Variants in CABIN1 observed in about 807,000 individuals in gnomAD.
CABIN1 encodes calcineurin-binding protein cabin-1.
CABIN1 carries 133 observed loss-of-function variants against 227.7 expected under a neutral mutation model. The ratio of observed to expected loss-of-function variants is 0.58; its 90% CI spans 0.51 to 0.67. CABIN1 has a LOEUF of 0.67. Among genes scored for constraint, CABIN1 ranks in the 30% least tolerant of loss-of-function variants. The pLI, the probability that CABIN1 is intolerant of heterozygous loss-of-function variation, is 0.00. For synonymous variants in CABIN1, 1,086 were observed against 1,155.1 expected, an observed-to-expected ratio of 0.94 and a Z score of 1.21; for missense variants, 2,408 against 2,852.5, an observed-to-expected ratio of 0.84 and a Z score of 3.55.
chr22:24,091,529 A>C (rs530666236), intron 23 of CABIN1, 54 bp from the exon 24 acceptor site: 3 of 1,612,498 alleles, frequency 1.9e-6, no homozygotes, highest in Non-Finnish European at 2.5e-6. Context: ...AAAAAGTCTG[A>C]TCCCTGGGCA....
intron 27 of CABIN1, among the ~76,000 whole-genome samples, chr22:24,117,850 C>G (rs966874678): frequency 5.9e-5 from 9 of 152,236 alleles, no homozygotes; most frequent in African/African-American, 9.6e-5. Context: ...CAGGGCTGAT[C>G]CCAGCATTAT....
intron 27 of CABIN1, among the ~76,000 whole-genome samples, chr22:24,115,828 C>G (rs370774166): frequency 6.6e-6 from 1 of 152,230 alleles, no homozygotes; most frequent in Non-Finnish European, 1.5e-5. Flanking sequence ...ATGGAGAGTC[C>G]TACCACCAGC....
At chr22:24,059,768 C>G (rs549347091) in intron 11 of CABIN1, among the ~76,000 whole-genome samples, 156 bp from the exon 12 acceptor site, 1 of 152,264 alleles carries the variant, frequency 6.6e-6, no homozygotes, top group South Asian at 2.1e-4. Flanking sequence ...GGCATTGAAC[C>G]CAGTAGCCTG....
At chr22:24,092,949 C>T (rs2041647434) in intron 24 of CABIN1, among the ~76,000 whole-genome samples, 1 of 152,098 alleles carries the variant, frequency 6.6e-6, no homozygotes, top group Non-Finnish European at 1.5e-5. Context: ...CCCTGCCTGC[C>T]CTAGTGCCCT....
chr22:24,053,937 TG>T (rs1405991202), intron 8 of CABIN1, among the ~76,000 whole-genome samples: 2 of 152,046 alleles, frequency 1.3e-5, no homozygotes, highest in African/African-American at 4.8e-5. Context: ...GTGGTGGAGC[TG>T]GGGTCTGACT....
At chr22:24,098,413 G>T in intron 26 of CABIN1, 1 of 915,158 alleles carries the variant, frequency 1.1e-6, no homozygotes, top group South Asian at 1.6e-5. Flanking sequence ...GCCCACCTGG[G>T]AGCCAGGGGA....
intron 19 of CABIN1, among the ~76,000 whole-genome samples, chr22:24,079,951 A>G (rs1422861976): frequency 6.6e-6 from 1 of 151,606 alleles, no homozygotes; most frequent in Non-Finnish European, 1.5e-5. Flanking sequence ...TAAAATTTGA[A>G]TGTCAAATTT....
intron 27 of CABIN1, among the ~76,000 whole-genome samples, chr22:24,114,113 C>G (rs1232461560): frequency 1.3e-5 from 2 of 152,054 alleles, no homozygotes; most frequent in Non-Finnish European, 2.9e-5. Flanking sequence ...TTTTAAAAGT[C>G]TTTGGATCCT....
At chr22:24,016,409 A>G (rs2035287303) in intron 1 of CABIN1, among the ~76,000 whole-genome samples, 1 of 152,196 alleles carries the variant, frequency 6.6e-6, no homozygotes, top group African/African-American at 2.4e-5. Flanking sequence ...TTGGGTTTCT[A>G]CTTATGCATT....
chr22:24,027,395 G>A (rs767788452), intron 1 of CABIN1, among the ~76,000 whole-genome samples: 5 of 152,188 alleles, frequency 3.3e-5, no homozygotes, highest in Non-Finnish European at 5.9e-5. Context: ...AGTAGCTAGG[G>A]CTTCCAGTAT....
At chr22:24,072,569 C>T in intron 18 of CABIN1, 59 bp downstream of exon 18, 5 of 1,601,128 alleles carry the variant, frequency 3.1e-6, no homozygotes, top group Non-Finnish European at 4.3e-6. Context: ...TTGCCCCTGT[C>T]CTCTGCCCTA....
chr22:24,080,587 A>C, intron 19 of CABIN1, among the ~76,000 whole-genome samples: 1 of 152,004 alleles, frequency 6.6e-6, no homozygotes, highest in East Asian at 1.9e-4. Flanking sequence ...CAGCTTAATA[A>C]TTTTCTCCAT....
intron 28 of CABIN1, among the ~76,000 whole-genome samples, chr22:24,126,090 G>A (rs947433968): frequency 2.8e-4 from 43 of 152,350 alleles, no homozygotes; most frequent in Admixed American, 7.8e-4. Flanking sequence ...CACAAGCCAT[G>A]ACATGGCAGA....
chr22:24,120,537 G>A (rs577911544), intron 28 of CABIN1, among the ~76,000 whole-genome samples: 1 of 152,158 alleles, frequency 6.6e-6, no homozygotes, highest in African/African-American at 2.4e-5. Context: ...AAAACATACA[G>A]ATGGCCAGGC....
chr22:24,085,151 G>A lies in CABIN1; in HGVS notation c.3263G>A (p.Arg1088Lys). 18 of 1,614,184 alleles carry A rather than the reference G, an allele frequency of 1.1e-5. No homozygotes were observed. The highest frequency in any genetic ancestry group is 1.4e-5 in the Non-Finnish European group (17 of 1,180,044). Residue 1088 changes from arginine (R) to lysine (K), a missense_variant and splice_region_variant, in exon 22 of 37, where the codon AGG becomes AAG. Arg to Lys is a conservative substitution (Grantham distance 26). This residue lies in a region of CABIN1 where 649 missense variants were observed against 910.3 expected (regional missense o/e 0.71). Transcript: ENST00000263119. ...YMHDICICPNRFDSWAGMALA... is the reference protein window; with the variant it reads ...YMHDICICPNKFDSWAGMALA... Reference sequence around the variant, plus strand: ...CATGACATCTGCATCTGCCCCAATAGGTCAGTGACCAGATCATGAGGCTAG... The same window carrying A: ...CATGACATCTGCATCTGCCCCAATAAGTCAGTGACCAGATCATGAGGCTAG...
chr22:24,017,231 G>A (rs1216174650), intron 1 of CABIN1, among the ~76,000 whole-genome samples: 1 of 151,844 alleles, frequency 6.6e-6, no homozygotes, highest in Non-Finnish European at 1.5e-5. Flanking sequence ...CAGAGACAGG[G>A]TTTCACTGTG....
chr22:24,120,199 C>G (rs999302622), intron 28 of CABIN1, among the ~76,000 whole-genome samples: 3 of 152,210 alleles, frequency 2.0e-5, no homozygotes, highest in Non-Finnish European at 4.4e-5. Context: ...TGCCCCTGGG[C>G]TCTTGTCGCT....
In CABIN1 at chr22:24,166,270, A is replaced by G. The variant is rs148193294; in HGVS notation, c.5008-369A>G. 2.8e-3 allele frequency among the ~76,000 whole-genome samples: 430 copies of G among 152,312 alleles called. 1 individual carries two copies. Among genetic ancestry groups the G allele is most frequent in the South Asian group, 0.01 (49 of 4,826 alleles). On this transcript the variant is annotated intron_variant, in intron 31 of 36. Transcript: ENST00000263119. ...TGGCCCTGGGCAGGTCCCCTCCCAT[A>G]AAATGCCCAGAGCTGCCCGGAGTTC...
At chr22:24,152,617 G>T (rs1313910993) in intron 29 of CABIN1, among the ~76,000 whole-genome samples, 1 of 152,180 alleles carries the variant, frequency 6.6e-6, no homozygotes, top group Admixed American at 6.5e-5. Flanking sequence ...GGCTGAGAAC[G>T]GGGACTGTTA....
Sources: allele counts gnomAD v4.1 joint callset (sites outside exome capture counted in the v4.1 genomes callset), GRCh38; gene constraint gnomAD v4.1.1; regional missense constraint gnomAD v4.1.1; transcripts MANE v1.5; gene names NCBI Gene and HGNC (gene_info 2026-07-23, HGNC 2026-07-21).